IL7: variants seen among roughly 807,000 people sequenced by gnomAD.
IL7 encodes the protein interleukin 7.
A neutral mutation model predicts 21.6 loss-of-function variants in IL7; 3 were observed. The observed-to-expected ratio is 0.14, with a 90% CI of 0.06 to 0.36. IL7 has a LOEUF of 0.36. Ranked by LOEUF, IL7 falls within the 10% of genes least tolerant of loss-of-function variation. IL7 has a pLI of 1.00. For missense variants in IL7, 175 were observed against 200.2 expected (o/e 0.87, Z 0.76); for synonymous variants, 62 against 68.1 (o/e 0.91, Z 0.44).
chr8:78,708,360 T>C (rs1416202048), intron 3 of IL7, among the ~76,000 whole-genome samples: 3 of 152,218 alleles, frequency 2.0e-5, no homozygotes, highest in Non-Finnish European at 4.4e-5. Flanking sequence ...AATTCTCATA[T>C]GTTTGGTTGT....
Position 78,740,294 on chromosome 8 carries a change from G to A in IL7, c.148-212C>T, listed in dbSNP as rs1229826084. 3.3e-5 allele frequency among the ~76,000 whole-genome samples: 5 copies of A among 152,212 alleles called. No individual in the cohort carries two copies. In the East Asian group the frequency reaches 9.6e-4, roughly 29 times the overall value. ...ATACACAAATCCTCCCATATTTAGA[G>A]CCCCTCCCAGATCCCATAATTGAAT... is the stretch of plus-strand genomic sequence containing the variant. On this transcript the variant is annotated intron_variant, in intron 2 of 5. Transcript: ENST00000263851.
chr8:78,789,768 T>C (rs779951059), intron 2 of IL7, among the ~76,000 whole-genome samples: 11 of 152,102 alleles, frequency 7.2e-5, no homozygotes, highest in Non-Finnish European at 1.0e-4. Flanking sequence ...GTTAAGATGA[T>C]ATATTAAACT....
In IL7 at chr8:78,802,434, CT is replaced by C. The variant is rs1237582264; in HGVS notation, c.10+2478del. Among the ~76,000 whole-genome samples, 693 of 143,298 alleles carry C rather than the reference CT, an allele frequency of 4.8e-3. 2 individuals carry two copies. The highest frequency in any genetic ancestry group is 0.011 in the East Asian group (55 of 4,966). The allele number at this position is 143,298 out of a possible 152,430, so 94.0% of individuals were successfully genotyped here. ...AAATTCCTTTCGTATTTTTCTCTCT[CT>C]TTTTTTTTTTTTTGATATGGAGTCT... is the stretch of plus-strand genomic sequence containing the variant. On this transcript the variant is annotated intron_variant, in intron 1 of 5. Transcript: ENST00000263851.
chr8:78,691,107 T>G (rs1022083250), intron 3 of IL7, among the ~76,000 whole-genome samples: 1 of 152,186 alleles, frequency 6.6e-6, no homozygotes, highest in Non-Finnish European at 1.5e-5. Context: ...AGACTAATGT[T>G]GAATAGAGGT....
chr8:78,735,666 C>T (rs1001621133), intron 5 of IL7, among the ~76,000 whole-genome samples: 1 of 152,142 alleles, frequency 6.6e-6, no homozygotes, highest in African/African-American at 2.4e-5. Flanking sequence ...GATTATATTG[C>T]TTTTAGCTTC....
intron 1 of IL7, among the ~76,000 whole-genome samples, chr8:78,798,545 A>G (rs974190551): frequency 1.3e-5 from 2 of 152,084 alleles, no homozygotes; most frequent in African/African-American, 2.4e-5. Context: ...AGGCATATAC[A>G]GGTAAAGAGG....
At chr8:78,784,743 T>C (rs796598763) in intron 2 of IL7, among the ~76,000 whole-genome samples, 15 of 152,062 alleles carry the variant, frequency 9.9e-5, no homozygotes, top group African/African-American at 3.6e-4. Flanking sequence ...TAAAAGAATA[T>C]AATATATTTT....
chr8:78,775,834 C>A (rs1207103722), intron 2 of IL7, among the ~76,000 whole-genome samples: 2 of 152,004 alleles, frequency 1.3e-5, no homozygotes, highest in East Asian at 3.9e-4. Flanking sequence ...ACAGGATAGT[C>A]AGGGCTTGGG....
intron 2 of IL7, among the ~76,000 whole-genome samples, chr8:78,780,460 C>T (rs1813290876): frequency 6.6e-6 from 1 of 152,168 alleles, no homozygotes; most frequent in South Asian, 2.1e-4. Flanking sequence ...CAAAGAACTT[C>T]CTGACTTGTG....
At chr8:78,761,049 T>A (rs1563424657) in intron 2 of IL7, 9 of 1,611,946 alleles carry the variant, frequency 5.6e-6, no homozygotes, top group Non-Finnish European at 6.8e-6. Flanking sequence ...ATACAGTTAT[T>A]CCATCTAATA....
intron 4 of IL7, among the ~76,000 whole-genome samples, chr8:78,680,265 C>T (rs1250897087): frequency 1.7e-5 from 2 of 118,056 alleles, no homozygotes; most frequent in Non-Finnish European, 3.2e-5. Flanking sequence ...CCGGCCTGGG[C>T]GACAGAGCGA....
chr8:78,751,176 A>C (rs1812158703), intron 2 of IL7, among the ~76,000 whole-genome samples: 1 of 152,048 alleles, frequency 6.6e-6, no homozygotes, highest in African/African-American at 2.4e-5. Flanking sequence ...TGTAATGGGA[A>C]TATAAAAAAG....
At chr8:78,766,503 T>C (rs1812757334) in intron 2 of IL7, among the ~76,000 whole-genome samples, 1 of 152,090 alleles carries the variant, frequency 6.6e-6, no homozygotes, top group African/African-American at 2.4e-5. Flanking sequence ...AATACACATA[T>C]ATACATGCAT....
intron 3 of IL7, among the ~76,000 whole-genome samples, chr8:78,710,907 A>G (rs1338393461): frequency 1.3e-5 from 2 of 152,140 alleles, no homozygotes; most frequent in Admixed American, 1.3e-4. Flanking sequence ...GAAAGAAGAC[A>G]AAAATTAATA....
At chr8:78,736,587 T>C (rs1811603527) in intron 4 of IL7, 60 bp from the exon 5 acceptor site, 2 of 1,046,660 alleles carry the variant, frequency 1.9e-6, no homozygotes, top group East Asian at 2.5e-5. Flanking sequence ...TCCAGTTGTT[T>C]GTAATTGCTA....
chr8:78,685,785 T>A (rs1334593843), intron 4 of IL7: 1 of 152,186 alleles, frequency 6.6e-6, no homozygotes, highest in Admixed American at 6.6e-5. Context: ...TGTTAGAGGA[T>A]CTATGGAAAA....
chr8:78,680,961 G>C (rs1809757355), intron 4 of IL7, among the ~76,000 whole-genome samples: 1 of 152,152 alleles, frequency 6.6e-6, no homozygotes, highest in African/African-American at 2.4e-5. Context: ...AGGAGGGAGA[G>C]AATGGTGGGA....
At chr8:78,680,136 T>A (rs751100036) in intron 4 of IL7, among the ~76,000 whole-genome samples, 48 of 152,078 alleles carry the variant, frequency 3.2e-4, no homozygotes, top group Non-Finnish European at 6.8e-4. Flanking sequence ...TTGTAGGGAT[T>A]ACATAAGATT....
chr8:78,688,545 A>G (rs974566653), intron 3 of IL7, among the ~76,000 whole-genome samples: 1 of 152,182 alleles, frequency 6.6e-6, no homozygotes, highest in African/African-American at 2.4e-5. Context: ...ATTTATTCCC[A>G]GTGTCTCATT....
Sources: allele counts gnomAD v4.1 joint callset (sites outside exome capture counted in the v4.1 genomes callset), GRCh38; gene constraint gnomAD v4.1.1; transcripts MANE v1.5; gene names NCBI Gene and HGNC (gene_info 2026-07-23, HGNC 2026-07-21).